KIF3C: variants seen among roughly 807,000 people sequenced by gnomAD.
The protein encoded by KIF3C is kinesin-like protein KIF3C.
A neutral mutation model predicts 67.7 loss-of-function variants in KIF3C; 12 were observed. That is an observed-to-expected ratio of 0.18 (90% CI 0.11 to 0.29). The LOEUF (loss-of-function observed/expected upper bound fraction) is 0.29, where lower values mean the gene tolerates loss of function less well. Ranked by LOEUF, KIF3C falls within the 10% of genes least tolerant of loss-of-function variation. The pLI is 1.00. For missense variants in KIF3C, 789 were observed against 1,059.6 expected, an observed-to-expected ratio of 0.74 and a Z score of 3.55; for synonymous variants, 393 against 426.2, an observed-to-expected ratio of 0.92 and a Z score of 0.96.
chr2:25,981,048 G>A lies in KIF3C; in HGVS notation c.870C>T (p.Ala290=). Residue 290 remains alanine (A), a synonymous_variant, in exon 1 of 8, where the codon GCC becomes GCT. Transcript: ENST00000264712. This position sits in a 1 kb window ranked among gnomAD's most constrained non-coding sequence, Gnocchi z 8.2. ...CAGATAATGAGAGGTTGATTTTGGAGGCTTCCTTAGGCCTCTCTCCACCAG... is the reference window on the plus strand; with the variant it reads ...CAGATAATGAGAGGTTGATTTTGGAAGCTTCCTTAGGCCTCTCTCCACCAG... ...GGAGGERPKE[A]SKINLSLSAL... is the part of the protein sequence containing the mutation. 1.2e-6 allele frequency: 2 copies of A among 1,614,158 alleles called. No homozygotes were observed. The highest frequency in any genetic ancestry group is 8.5e-7 in the Non-Finnish European group (1 of 1,180,012).
chr2:25,938,854 C>T (rs529276343), intron 5 of KIF3C, among the ~76,000 whole-genome samples: 4 of 152,058 alleles, frequency 2.6e-5, no homozygotes, highest in Non-Finnish European at 5.9e-5. Context: ...TCTCCTAGGA[C>T]CCTCCCTCCG....
intron 1 of KIF3C, among the ~76,000 whole-genome samples, chr2:25,975,851 G>A (rs1398199566): frequency 3.9e-5 from 6 of 151,982 alleles, no homozygotes; most frequent in East Asian, 1.9e-4. Flanking sequence ...CCAGCTACTC[G>A]GGAGGCTGAG....
At chr2:25,953,090 G>GAAACTCC (rs1354898309) in intron 4 of KIF3C, among the ~76,000 whole-genome samples, 7 of 151,488 alleles carry the variant, frequency 4.6e-5, no homozygotes, top group Non-Finnish European at 8.8e-5. Flanking sequence ...CCAACATGGC[G>GAAACTCC]AAACTCCATC....
At chr2:25,946,676 G>A (rs1298005639) in intron 5 of KIF3C, among the ~76,000 whole-genome samples, 5 of 152,010 alleles carry the variant, frequency 3.3e-5, no homozygotes, top group Non-Finnish European at 7.4e-5. Flanking sequence ...GACAGAGCTA[G>A]ACTCCATCTC....
At position 25,958,389 on chromosome 2, in the gene KIF3C, T is replaced by C. The variant is rs2149235573; in HGVS notation, c.1546-1945A>G. Among the ~76,000 whole-genome samples the C allele has an allele frequency of 6.6e-6, 1 of 152,214 alleles. No individual in the cohort carries two copies. Among genetic ancestry groups the C allele is most frequent in the Middle Eastern group, 3.4e-3 (1 of 294 alleles). On this transcript the variant is annotated intron_variant, in intron 1 of 7. Transcript: ENST00000264712. The surrounding 1 kb of genome is among the most constrained non-coding windows in gnomAD (Gnocchi z 4.5). ...TGAGGTCAGGAGTTCGATACCAGCC[T>C]GGCCAAAATGGAGAAACCCCAGCTC...
chr2:25,951,650 C>T (rs1663616013), intron 5 of KIF3C, 139 bp downstream of exon 5: 2 of 615,344 alleles, frequency 3.3e-6, no homozygotes, highest in South Asian at 3.8e-5. Context: ...AATTCATCCC[C>T]CATCGGCATC....
At chr2:25,978,056 C>T (rs1664461836) in intron 1 of KIF3C, among the ~76,000 whole-genome samples, 1 of 152,176 alleles carries the variant, frequency 6.6e-6, no homozygotes, top group South Asian at 2.1e-4. Context: ...GCTTCTCCTC[C>T]TCATTAGGTG....
chr2:25,927,671 C>T lies in KIF3C; in HGVS notation c.*1307G>A, dbSNP rs1418124311. 1 of 152,150 alleles carries T rather than the reference C, an allele frequency of 6.6e-6. No homozygotes were observed. Among genetic ancestry groups the T allele is most frequent in the East Asian group, 1.9e-4 (1 of 5,198 alleles). 9.4% of individuals were successfully genotyped at this position (152,150 alleles called of 1,614,324 possible). A position where few individuals can be genotyped will look rare whatever the true frequency, so the allele number is the denominator to read the frequency against. The stretch of plus-strand genomic sequence containing the variant: ...TCATATTCTAGGAACTGGAGACTCA[C>T]ACTATTAGGGCACTTTGAAATCCTA... On this transcript the variant is annotated 3_prime_UTR_variant, in exon 8 of 8. Coordinates refer to ENST00000264712, the MANE Select transcript of KIF3C (RefSeq NM_002254.8).
chr2:25,928,668 G>A lies in KIF3C; in HGVS notation c.*310C>T. On this transcript the variant is annotated 3_prime_UTR_variant, in exon 8 of 8. Transcript: ENST00000264712. ...CTGGAGGCAGCTGACAGGGGGACAA[G>A]CCTGAGATCTGACTGGGGGAGCTCT... The A allele has an allele frequency of 4.5e-6, 1 of 222,802 alleles. No individual in the cohort carries two copies. The highest frequency in any genetic ancestry group is 8.9e-6 in the Non-Finnish European group (1 of 111,980). The allele number at this position is 222,802 out of a possible 1,614,324, so 13.8% of individuals were successfully genotyped here.
rs760130546 is a variant in KIF3C at position 25,980,597 on chromosome 2, T to G, written c.1321A>C (p.Asn441His). Residue 441 changes from asparagine to histidine, a missense_variant, in exon 1 of 8, where the codon AAC becomes CAC. By Grantham distance (68) the Asn-to-His change is moderately conservative. Around this residue, in one of 2 missense-constraint regions of KIF3C, gnomAD observed 648 missense variants for 807.8 expected, o/e 0.80. Transcript: ENST00000264712. This position sits in a 1 kb window ranked among gnomAD's most constrained non-coding sequence, Gnocchi z 7.6. ...AGGATGGGCTGGGGCGGGCGGTGGTTGTTGTTGTTGTCATCCTCCTCTTCT... is the reference window on the plus strand; with the variant it reads ...AGGATGGGCTGGGGCGGGCGGTGGTGGTTGTTGTTGTCATCCTCCTCTTCT... ...VAEEEDDNNN[N>H]HRPPQPILES... 1.9e-6 allele frequency: 3 copies of G among 1,613,130 alleles called. No individual in the cohort carries two copies. The highest frequency in any genetic ancestry group is 1.7e-6 in the Non-Finnish European group (2 of 1,179,694).
chr2:25,953,118 C>A (rs1663669344), intron 4 of KIF3C, among the ~76,000 whole-genome samples: 1 of 151,276 alleles, frequency 6.6e-6, no homozygotes. Context: ...AAAATGCAAA[C>A]ATTAGTCAGG....
chr2:25,955,389 TCCCCCTGTTGCTCAC>T lies in KIF3C; in HGVS notation c.1770+137_1770+151del, dbSNP rs1663780016. 3.8e-6 allele frequency: 3 copies of T among 789,064 alleles called. No homozygotes were observed. In the East Asian group the frequency reaches 8.3e-5, roughly 22 times the overall value. The allele number at this position is 789,064 out of a possible 1,614,324, so 48.9% of individuals were successfully genotyped here. On this transcript the variant is annotated intron_variant, in intron 3 of 7. Transcript: ENST00000264712. This position sits in a 1 kb window ranked among gnomAD's most constrained non-coding sequence, Gnocchi z 5.0. ...CCACCCCCAGCCCCCGCCTCCTGCC[TCCCCCTGTTGCTCAC>T]CCCCGAGGCCAAGCCATGTCACTCA... is the stretch of plus-strand genomic sequence containing the variant.
At chr2:25,933,268 A>G (rs1229744353) in intron 5 of KIF3C, among the ~76,000 whole-genome samples, 1 of 152,064 alleles carries the variant, frequency 6.6e-6, no homozygotes, top group African/African-American at 2.4e-5. Context: ...TTCAAAAAAA[A>G]AAAAGGGCAA....
intron 4 of KIF3C, among the ~76,000 whole-genome samples, chr2:25,952,444 C>T (rs1046512638): frequency 4.0e-5 from 6 of 151,858 alleles, no homozygotes; most frequent in African/African-American, 1.2e-4. Context: ...CTAACAGGTA[C>T]ACAAAATTAG....
chr2:25,950,624 C>T (rs1453894621), intron 5 of KIF3C, among the ~76,000 whole-genome samples: 1 of 152,084 alleles, frequency 6.6e-6, no homozygotes, highest in Non-Finnish European at 1.5e-5. Flanking sequence ...AGCCTGGCTT[C>T]AAATGCAGAA....
chr2:25,966,251 G>A (rs1186304219), intron 1 of KIF3C, among the ~76,000 whole-genome samples: 1 of 152,064 alleles, frequency 6.6e-6, no homozygotes, highest in Non-Finnish European at 1.5e-5. Context: ...AACTACAGGT[G>A]CCTGCCACCA....
intron 1 of KIF3C, among the ~76,000 whole-genome samples, chr2:25,961,066 AAATC>A (rs1156653700): frequency 1.3e-5 from 2 of 152,264 alleles, no homozygotes; most frequent in African/African-American, 2.4e-5. Context: ...CTGCTAAAGG[AAATC>A]AACATGTTTC....
At chr2:25,935,625 G>A (rs980537041) in intron 5 of KIF3C, among the ~76,000 whole-genome samples, 1 of 152,086 alleles carries the variant, frequency 6.6e-6, no homozygotes, top group African/African-American at 2.4e-5. Flanking sequence ...GCCTCCCAAA[G>A]TGCTGGGACT....
At chr2:25,975,711 C>G (rs1275450675) in intron 1 of KIF3C, among the ~76,000 whole-genome samples, 1 of 152,162 alleles carries the variant, frequency 6.6e-6, no homozygotes, top group Non-Finnish European at 1.5e-5. Context: ...GTAATCCCAG[C>G]ACTTTGGGAG....
Sources: gnomAD v4.1 joint callset for allele counts (sites outside exome capture counted in the v4.1 genomes callset) on GRCh38, gnomAD v4.1.1 for gene constraint, gnomAD v4.1.1 regional missense constraint, Gnocchi (gnomAD v3.1) non-coding constraint, MANE v1.5 for transcripts, NCBI Gene and HGNC (gene_info 2026-07-23, HGNC 2026-07-21) for gene names.